MPHOSPH9: variants seen among roughly 807,000 people sequenced by gnomAD.
The protein encoded by MPHOSPH9 is M-phase phosphoprotein 9.
Under a neutral mutation model 145.5 loss-of-function variants are expected in MPHOSPH9, and 88 were observed. That is an observed-to-expected ratio of 0.60 (90% CI 0.51 to 0.72). The LOEUF (loss-of-function observed/expected upper bound fraction) is 0.72. Ranked by LOEUF, MPHOSPH9 falls within the 30% of genes least tolerant of loss-of-function variation. The pLI, the probability that MPHOSPH9 is intolerant of heterozygous loss-of-function variation, is 0.00. For missense variants in MPHOSPH9, 1,238 were observed against 1,386.6 expected (o/e 0.89, Z 1.70); for synonymous variants, 435 against 486.2 (o/e 0.89, Z 1.39).
chr12:123,158,598 A>G (rs368805820), intron 23 of MPHOSPH9, among the ~76,000 whole-genome samples: 1 of 152,180 alleles, frequency 6.6e-6, no homozygotes, highest in East Asian at 1.9e-4. Context: ...CAAAAAAATT[A>G]AAAGAGAAAC....
intron 1 of MPHOSPH9, among the ~76,000 whole-genome samples, chr12:123,239,324 A>T (rs959871300): frequency 6.6e-6 from 1 of 152,238 alleles, no homozygotes; most frequent in Non-Finnish European, 1.5e-5. Context: ...ATTGGGTTAA[A>T]TATACATTTC....
chr12:123,152,365 AAGAG>A, downstream of MPHOSPH9: 1 of 336,388 alleles, frequency 3.0e-6, no homozygotes. Flanking sequence ...TAGTGCAAGA[AAGAG>A]AGATGGTCCC....
intron 1 of MPHOSPH9, among the ~76,000 whole-genome samples, chr12:123,241,931 G>A (rs1012023909): frequency 6.6e-6 from 1 of 152,168 alleles, no homozygotes. Flanking sequence ...AAGCTCTCCA[G>A]GAGGATGAGG....
intron 11 of MPHOSPH9, 124 bp downstream of exon 11, chr12:123,202,040 A>T: frequency 9.5e-7 from 1 of 1,049,084 alleles, no homozygotes; most frequent in Non-Finnish European, 1.3e-6. Flanking sequence ...AAAAATACTT[A>T]GGCAAACATG....
At chr12:123,226,681 T>G (rs2047450508) in intron 3 of MPHOSPH9, among the ~76,000 whole-genome samples, 1 of 151,806 alleles carries the variant, frequency 6.6e-6, no homozygotes, top group Admixed American at 6.6e-5. Context: ...CAGGCTGGAG[T>G]GTAGTGCTGT....
intron 2 of MPHOSPH9, among the ~76,000 whole-genome samples, chr12:123,229,629 T>C (rs942436754): frequency 1.3e-5 from 2 of 152,118 alleles, no homozygotes; most frequent in African/African-American, 4.8e-5. Flanking sequence ...GTAGAAATAA[T>C]ATTTAGGCAA....
At chr12:123,195,239 A>G (rs888884907) in intron 12 of MPHOSPH9, among the ~76,000 whole-genome samples, 3 of 152,190 alleles carry the variant, frequency 2.0e-5, no homozygotes, top group Non-Finnish European at 4.4e-5. Flanking sequence ...GTTGCCCAAC[A>G]TCAACATTTA....
intron 12 of MPHOSPH9, among the ~76,000 whole-genome samples, chr12:123,195,406 G>A (rs1278490334): frequency 6.6e-6 from 1 of 151,598 alleles, no homozygotes; most frequent in Admixed American, 6.6e-5. Context: ...CCAACATGGT[G>A]AAACCCCGTC....
At chr12:123,168,275 T>C (rs904258606) in intron 16 of MPHOSPH9, among the ~76,000 whole-genome samples, 1 of 151,676 alleles carries the variant, frequency 6.6e-6, no homozygotes, top group African/African-American at 2.4e-5. Flanking sequence ...AGCCACCAGC[T>C]GGGCAGACTC....
chr12:123,182,479 C>G (rs1010379787), intron 13 of MPHOSPH9, among the ~76,000 whole-genome samples: 15 of 151,388 alleles, frequency 9.9e-5, no homozygotes, highest in Non-Finnish European at 2.1e-4. Context: ...CTCCTGACCT[C>G]AAGTGATCCA....
At position 123,165,320 on chromosome 12, in the gene MPHOSPH9, T is replaced by C. The variant is rs1037372626; in HGVS notation, c.2749A>G (p.Lys917Glu). The change falls in exon 18 of 24, where the codon AAA (lysine) becomes GAA (glutamate). Residue 917 changes from lysine to glutamate, a missense_variant. Transcript: ENST00000606320. ...TACTCACTATTTGAGGTGTCCTCTT[T>C]CTCTGTCTGTGTCCCCCAATTTTTA... The part of the protein sequence containing the change: ...IFKNWGTQTE[K>E]EDTSNINPRQ... The C allele has an allele frequency of 3.7e-6, 6 of 1,613,736 alleles. No homozygotes were observed. The highest frequency in any genetic ancestry group is 5.1e-6 in the Non-Finnish European group (6 of 1,179,816).
intron 16 of MPHOSPH9, among the ~76,000 whole-genome samples, chr12:123,169,827 T>C (rs2044495692): frequency 6.6e-6 from 1 of 151,964 alleles, no homozygotes; most frequent in Non-Finnish European, 1.5e-5. Context: ...TAACCTTAAG[T>C]GATCTGCCCA....
intron 12 of MPHOSPH9, among the ~76,000 whole-genome samples, chr12:123,197,048 T>G (rs889431906): frequency 2.0e-5 from 3 of 148,014 alleles, no homozygotes; most frequent in Admixed American, 6.8e-5. Flanking sequence ...TTTTTTTTTT[T>G]TTTTTTTTTT....
intron 1 of MPHOSPH9, among the ~76,000 whole-genome samples, chr12:123,238,788 T>A (rs1016883377): frequency 8.5e-5 from 13 of 152,248 alleles, no homozygotes; most frequent in African/African-American, 2.6e-4. Flanking sequence ...GAAATCTTCA[T>A]TCCTAACCAT....
chr12:123,218,383 A>G lies in MPHOSPH9; in HGVS notation c.989T>C (p.Ile330Thr). 1 of 1,614,010 alleles carries G rather than the reference A, an allele frequency of 6.2e-7. No individual in the cohort carries two copies. The highest frequency in any genetic ancestry group is 8.5e-7 in the Non-Finnish European group (1 of 1,179,896). Residue 330 changes from isoleucine to threonine, a missense_variant, in exon 6 of 24, where the codon ATT becomes ACT. This residue lies in a region of MPHOSPH9 where 837 missense variants were observed against 897.5 expected (regional missense o/e 0.93). Transcript: ENST00000606320. ...AAGTGACTAGTCACCTACTTTCTCA[A>G]TTGGTGTCTTCTTACTTTGCTCATT... ...QGNEQSKKTP[I>T]EKSDFAAATH...
chr12:123,153,977 T>C (rs2043815902), downstream of MPHOSPH9, among the ~76,000 whole-genome samples: 1 of 152,174 alleles, frequency 6.6e-6, no homozygotes, highest in Non-Finnish European at 1.5e-5. Context: ...AAGTCTCTCC[T>C]TTCTTGTCCC....
chr12:123,168,448 T>A (rs1257645460), intron 16 of MPHOSPH9, among the ~76,000 whole-genome samples: 1 of 151,674 alleles, frequency 6.6e-6, no homozygotes, highest in Non-Finnish European at 1.5e-5. Flanking sequence ...TTCAAGCGAT[T>A]CTCCTGCCTC....
rs763466534 is a variant in MPHOSPH9, at chr12:123,221,772, G to T, written c.472C>A (p.Leu158Ile). The T allele has an allele frequency of 6.2e-7, 1 of 1,613,504 alleles. No individual in the cohort carries two copies. Among genetic ancestry groups the T allele is most frequent in the Non-Finnish European group, 8.5e-7 (1 of 1,179,904 alleles). ...ACAGATTCATTTCTCTCACTGCTTA[G>T]AGAAAAAAAACCCATTTGACTTTCC... is the stretch of plus-strand genomic sequence containing the variant. ...SSESQMGFFS[L>I]SSERNESVIH... The change falls in exon 5 of 24, where the codon CTA (leucine) becomes ATA (isoleucine). Residue 158 changes from leucine to isoleucine, a missense_variant. Coordinates refer to ENST00000606320, the MANE Select transcript of MPHOSPH9 (RefSeq NM_022782.4).
chr12:123,202,501 C>T lies in MPHOSPH9; in HGVS notation c.1781+123G>A, dbSNP rs567547050. The T allele has an allele frequency of 9.9e-6, 12 of 1,214,520 alleles. No homozygotes were observed. The Admixed American group carries it at 3.5e-4, about 35-fold the overall frequency. 75.2% of individuals were successfully genotyped at this position (1,214,520 alleles called of 1,614,324 possible). On this transcript the variant is annotated intron_variant, in intron 10 of 23. Transcript: ENST00000606320. ...AATCAAGTGAAAAAGTTTTTATATG[C>T]TCCATCTTAAAAATGCTAAATCTCT...
Sources: gnomAD v4.1 joint callset for allele counts (sites outside exome capture counted in the v4.1 genomes callset) on GRCh38, gnomAD v4.1.1 for gene constraint, gnomAD v4.1.1 regional missense constraint, MANE v1.5 for transcripts, NCBI Gene and HGNC (gene_info 2026-07-23, HGNC 2026-07-21) for gene names.